Variants in WWOX observed in about 807,000 individuals in gnomAD.
WWOX encodes WW domain-containing oxidoreductase.
In WWOX, 69 loss-of-function variants were observed where a neutral mutation model predicts 46.2. That is an observed-to-expected ratio of 1.49 (90% confidence interval 1.23 to 1.82). The LOEUF (loss-of-function observed/expected upper bound fraction) is 1.82. WWOX is among the 40% of genes most tolerant of loss of function. WWOX has a pLI of 0.00. For synonymous variants in WWOX, 359 were observed against 202.6 expected (o/e 1.77, Z -6.56); for missense variants, 919 against 542.6 (o/e 1.69, Z -6.89).
chr16:78,227,270 CT>C (rs1430396321), intron 5 of WWOX, among the ~76,000 whole-genome samples: 1 of 152,184 alleles, frequency 6.6e-6, no homozygotes, highest in Non-Finnish European at 1.5e-5. Flanking sequence ...ATAAGAATGA[CT>C]TTTCACATAA....
At chr16:78,112,770 G>C (rs2032571697) in intron 3 of WWOX, among the ~76,000 whole-genome samples, 1 of 149,250 alleles carries the variant, frequency 6.7e-6, no homozygotes. Flanking sequence ...CACAGTCACA[G>C]CTCGCTGCAG....
intron 4 of WWOX, among the ~76,000 whole-genome samples, chr16:78,130,499 C>T (rs1035155240): frequency 3.5e-4 from 53 of 152,208 alleles, no homozygotes; most frequent in African/African-American, 1.2e-3. Flanking sequence ...TTTGTTGCTG[C>T]AGCTTCAGCT....
At chr16:78,546,859 G>C (rs945067265) in intron 8 of WWOX, among the ~76,000 whole-genome samples, 1 of 152,196 alleles carries the variant, frequency 6.6e-6, no homozygotes, top group African/African-American at 2.4e-5. Context: ...AGGCCCGGTG[G>C]CTCATGCCCG....
At chr16:79,152,413 T>G (rs1010637087) in intron 8 of WWOX, among the ~76,000 whole-genome samples, 7 of 152,082 alleles carry the variant, frequency 4.6e-5, no homozygotes, top group Non-Finnish European at 1.0e-4. Context: ...GTCTCATGCC[T>G]GTAATCCCAG....
intron 8 of WWOX, among the ~76,000 whole-genome samples, chr16:78,820,147 C>T (rs537704111): frequency 1.3e-5 from 2 of 152,232 alleles, no homozygotes; most frequent in South Asian, 4.2e-4. Flanking sequence ...TGCACAATGA[C>T]CCTGTCCCTG....
intron 8 of WWOX, among the ~76,000 whole-genome samples, chr16:78,839,119 TATCTC>T (rs2052069923): frequency 6.6e-6 from 1 of 152,202 alleles, no homozygotes; most frequent in African/African-American, 2.4e-5. Context: ...AATCTACACT[TATCTC>T]AAAAATAAAA....
At chr16:78,797,846 C>T (rs999388894) in intron 8 of WWOX, among the ~76,000 whole-genome samples, 6 of 152,184 alleles carry the variant, frequency 3.9e-5, no homozygotes, top group South Asian at 2.1e-4. Context: ...AAATTAGCTG[C>T]GCGTGGTGGC....
At chr16:79,115,967 C>G (rs149197892) in intron 8 of WWOX, among the ~76,000 whole-genome samples, 7 of 152,270 alleles carry the variant, frequency 4.6e-5, no homozygotes, top group Non-Finnish European at 7.3e-5. Context: ...GCAAATATCT[C>G]AATAAGGCAA....
At chr16:78,440,483 G>C (rs1019181160) in intron 8 of WWOX, among the ~76,000 whole-genome samples, 5 of 152,156 alleles carry the variant, frequency 3.3e-5, no homozygotes, top group Non-Finnish European at 5.9e-5. Flanking sequence ...TTTCAGAACA[G>C]CCAGTGCCTA....
chr16:78,107,487 C>G (rs1419632234), intron 1 of WWOX, among the ~76,000 whole-genome samples: 1 of 152,150 alleles, frequency 6.6e-6, no homozygotes, highest in Non-Finnish European at 1.5e-5. Context: ...CCCCTGAGAC[C>G]AGTGCTAGGA....
intron 8 of WWOX, among the ~76,000 whole-genome samples, chr16:78,490,023 T>C (rs2084739796): frequency 6.6e-6 from 1 of 152,200 alleles, no homozygotes; most frequent in Non-Finnish European, 1.5e-5. Flanking sequence ...CTTCTTAAAA[T>C]ACGGAGCGAC....
intron 8 of WWOX, among the ~76,000 whole-genome samples, chr16:78,869,129 A>G (rs2044070748): frequency 6.6e-6 from 1 of 152,246 alleles, no homozygotes; most frequent in African/African-American, 2.4e-5. Context: ...TTTTAAATAC[A>G]CTAGTATATG....
At chr16:79,044,760 AAAG>A (rs1177089176) in intron 8 of WWOX, among the ~76,000 whole-genome samples, 1 of 152,192 alleles carries the variant, frequency 6.6e-6, no homozygotes, top group African/African-American at 2.4e-5. Context: ...GAAGAATGGA[AAAG>A]AAGGCAGTGT....
chr16:78,946,434 G>C (rs1013670498), intron 8 of WWOX, among the ~76,000 whole-genome samples: 1 of 152,040 alleles, frequency 6.6e-6, no homozygotes, highest in African/African-American at 2.4e-5. Context: ...GAGTTGATCT[G>C]CTCACGTCGG....
At position 78,327,586 on chromosome 16, in the gene WWOX, C is replaced by G. The variant is rs146352915; in HGVS notation, c.517-59274C>G. ...TTGGGGTATTAGGATTCCCTTCACT[C>G]CAACTCCCACTGGAAAACCTCTTTG... On this transcript the variant is annotated intron_variant, in intron 5 of 8. Transcript: ENST00000566780. 2.9e-3 allele frequency among the ~76,000 whole-genome samples: 439 copies of G among 152,286 alleles called. 4 individuals are homozygous for G. Among genetic ancestry groups the G allele is most frequent in the African/African-American group, 0.01 (418 of 41,558 alleles).
At chr16:78,151,110 T>A (rs2034390420) in intron 4 of WWOX, among the ~76,000 whole-genome samples, 4 of 151,718 alleles carry the variant, frequency 2.6e-5, no homozygotes. Context: ...CCCTTGGGTT[T>A]AAGTGATCCT....
intron 8 of WWOX, among the ~76,000 whole-genome samples, chr16:78,616,230 A>T (rs1597352439): frequency 6.8e-6 from 1 of 146,964 alleles, no homozygotes; most frequent in African/African-American, 2.6e-5. Context: ...TTTTTTTTTT[A>T]ATTATATAAG....
chr16:78,599,157 C>T (rs889908610), intron 8 of WWOX, among the ~76,000 whole-genome samples: 1 of 152,162 alleles, frequency 6.6e-6, no homozygotes, highest in Non-Finnish European at 1.5e-5. Context: ...GACTTCATCC[C>T]CTCCTCCAGT....
intron 5 of WWOX, among the ~76,000 whole-genome samples, chr16:78,252,785 C>CA (rs1238733151): frequency 6.6e-6 from 1 of 152,110 alleles, no homozygotes; most frequent in Non-Finnish European, 1.5e-5. Context: ...AGCAAATCAT[C>CA]AAAAAACAAC....
Sources: allele counts gnomAD v4.1 joint callset (sites outside exome capture counted in the v4.1 genomes callset), GRCh38; gene constraint gnomAD v4.1.1; transcripts MANE v1.5; gene names NCBI Gene and HGNC (gene_info 2026-07-23, HGNC 2026-07-21).